The following MITF variants were observed in gnomAD, a reference collection of about 807,000 sequenced individuals.
The protein encoded by MITF is microphthalmia-associated transcription factor.
In MITF, 17 loss-of-function variants were observed where a neutral mutation model predicts 60.5. The ratio of observed to expected loss-of-function variants is 0.28; its 90% CI spans 0.19 to 0.42. The LOEUF (loss-of-function observed/expected upper bound fraction) is 0.42. Among genes scored for constraint, MITF ranks in the 10% least tolerant of loss-of-function variants. The pLI, the probability that MITF is intolerant of heterozygous loss-of-function variation, is 1.00. For missense variants in MITF, 622 were observed against 683.5 expected (o/e 0.91, Z 1.00); for synonymous variants, 260 against 248.5 (o/e 1.05, Z -0.43).
At chr3:69,807,013 C>A (rs771651863) in intron 1 of MITF, among the ~76,000 whole-genome samples, 13 of 152,174 alleles carry the variant, frequency 8.5e-5, no homozygotes, top group Non-Finnish European at 1.6e-4. Flanking sequence ...GTTGAAGATT[C>A]TTATCTTGGC....
At chr3:69,953,533 A>G (rs1270800979) in intron 7 of MITF, among the ~76,000 whole-genome samples, 2 of 151,570 alleles carry the variant, frequency 1.3e-5, no homozygotes, top group African/African-American at 4.8e-5. Flanking sequence ...AAAAGGATAC[A>G]TTCATTTATT....
intron 1 of MITF, among the ~76,000 whole-genome samples, chr3:69,830,993 C>G (rs2063437682): frequency 6.6e-6 from 1 of 152,224 alleles, no homozygotes; most frequent in South Asian, 2.1e-4. Context: ...GTGGATAAGA[C>G]CTTAGGCAAG....
intron 2 of MITF, among the ~76,000 whole-genome samples, chr3:69,917,410 C>T (rs1232891983): frequency 4.2e-5 from 6 of 144,506 alleles, no homozygotes; most frequent in Admixed American, 3.4e-4. Flanking sequence ...CATCTTTAGC[C>T]CTTAAAGTCA....
chr3:69,923,890 A>G (rs1347898138), intron 2 of MITF, among the ~76,000 whole-genome samples: 2 of 152,126 alleles, frequency 1.3e-5, no homozygotes, highest in Non-Finnish European at 2.9e-5. Context: ...TTTGTAGAGT[A>G]TGATAAGTCA....
intron 2 of MITF, among the ~76,000 whole-genome samples, chr3:69,902,228 T>C (rs551456665): frequency 2.0e-5 from 3 of 152,314 alleles, no homozygotes; most frequent in Non-Finnish European, 4.4e-5. Flanking sequence ...TCTTTTTTTT[T>C]CCAGTAATGA....
At chr3:69,906,661 C>T (rs2065106649) in intron 2 of MITF, among the ~76,000 whole-genome samples, 1 of 152,030 alleles carries the variant, frequency 6.6e-6, no homozygotes, top group Non-Finnish European at 1.5e-5. Flanking sequence ...GTCTTTAATC[C>T]TGTAGTTATT....
intron 2 of MITF, among the ~76,000 whole-genome samples, chr3:69,919,564 T>G (rs1403291291): frequency 6.6e-6 from 1 of 152,220 alleles, no homozygotes; most frequent in African/African-American, 2.4e-5. Context: ...AAACTATACT[T>G]TTTCCTTTCC....
chr3:69,927,600 G>A (rs77437490), intron 2 of MITF, among the ~76,000 whole-genome samples: 2,465 of 152,222 alleles, frequency 0.016, 63 homozygotes, highest in African/African-American at 0.049. Flanking sequence ...ACAAAAAATT[G>A]TTAGATAAAA....
chr3:69,928,802 C>A (rs1481681734), intron 2 of MITF, among the ~76,000 whole-genome samples: 2 of 152,134 alleles, frequency 1.3e-5, no homozygotes, highest in African/African-American at 2.4e-5. Flanking sequence ...CATGGACTGC[C>A]AGCTTGGGGA....
At chr3:69,894,204 C>A (rs1009694666) in intron 2 of MITF, among the ~76,000 whole-genome samples, 7 of 152,186 alleles carry the variant, frequency 4.6e-5, no homozygotes, top group African/African-American at 9.7e-5. Flanking sequence ...AGCCTTTCGC[C>A]CCTAAGCCAC....
chr3:69,775,658 T>C (rs1206354447), intron 1 of MITF, among the ~76,000 whole-genome samples: 1 of 152,224 alleles, frequency 6.6e-6, no homozygotes, highest in Non-Finnish European at 1.5e-5. Flanking sequence ...CCCCCATTCT[T>C]TTTATTAAAA....
At chr3:69,898,561 A>T (rs1184441219) in intron 2 of MITF, among the ~76,000 whole-genome samples, 1 of 152,202 alleles carries the variant, frequency 6.6e-6, no homozygotes, top group African/African-American at 2.4e-5. Context: ...CTTGAGAAGT[A>T]CTCTGGAACA....
At chr3:69,936,898 T>A in intron 2 of MITF, 1 of 696,596 alleles carries the variant, frequency 1.4e-6, no homozygotes, top group Non-Finnish European at 2.4e-6. Context: ...TTTGATGCCA[T>A]AAGAAGTAAT....
intron 2 of MITF, among the ~76,000 whole-genome samples, chr3:69,891,031 A>G (rs1404276645): frequency 1.3e-5 from 2 of 152,168 alleles, no homozygotes; most frequent in Admixed American, 6.6e-5. Context: ...TTGGAGTTAG[A>G]TCTATTTTCT....
chr3:69,900,297 C>T (rs1443820894), intron 2 of MITF, among the ~76,000 whole-genome samples: 2 of 152,084 alleles, frequency 1.3e-5, no homozygotes, highest in Non-Finnish European at 2.9e-5. Flanking sequence ...CAATAATAAC[C>T]GTCCTCCATG....
chr3:69,923,262 G>A (rs571473615), intron 2 of MITF, among the ~76,000 whole-genome samples: 23 of 152,254 alleles, frequency 1.5e-4, no homozygotes, highest in Admixed American at 1.2e-3. Flanking sequence ...CTGCTACTTC[G>A]TAGGATTGTA....
chr3:69,955,239 T>C (rs1332540698), intron 7 of MITF, among the ~76,000 whole-genome samples: 3 of 152,178 alleles, frequency 2.0e-5, no homozygotes, highest in East Asian at 1.9e-4. Flanking sequence ...ACTGAAAGTG[T>C]AAAATGCGCC....
At chr3:69,871,309 C>T (rs2064231490) in intron 1 of MITF, among the ~76,000 whole-genome samples, 1 of 152,208 alleles carries the variant, frequency 6.6e-6, no homozygotes, top group South Asian at 2.1e-4. Context: ...TGTCTTGGGG[C>T]ACAAGCACAT....
At chr3:69,931,467 G>T (rs2065721078) in intron 2 of MITF, among the ~76,000 whole-genome samples, 1 of 152,122 alleles carries the variant, frequency 6.6e-6, no homozygotes, top group Non-Finnish European at 1.5e-5. Context: ...CTGTCTTGTG[G>T]TTTATAATAA....
Sources: gnomAD v4.1 joint callset for allele counts (sites outside exome capture counted in the v4.1 genomes callset) on GRCh38, gnomAD v4.1.1 for gene constraint, MANE v1.5 for transcripts, NCBI Gene and HGNC (gene_info 2026-07-23, HGNC 2026-07-21) for gene names.